GPC5: variants seen among roughly 807,000 people sequenced by gnomAD.
GPC5 encodes the protein glypican-5.
GPC5 carries 47 observed loss-of-function variants against 53.9 expected under a neutral mutation model. That is an observed-to-expected ratio of 0.87 (90% CI 0.69 to 1.11). The LOEUF is 1.11. Among genes scored for constraint, GPC5 ranks in the 50% most tolerant of loss-of-function variants. The pLI, the probability that GPC5 is intolerant of heterozygous loss-of-function variation, is 0.00. For synonymous variants in GPC5, 286 were observed against 263.3 expected, an observed-to-expected ratio of 1.09 and a Z score of -0.84; for missense variants, 748 against 713.1, an observed-to-expected ratio of 1.05 and a Z score of -0.56.
chr13:91,966,463 A>C (rs185529847), intron 6 of GPC5, among the ~76,000 whole-genome samples: 1 of 152,200 alleles, frequency 6.6e-6, no homozygotes, highest in African/African-American at 2.4e-5. Flanking sequence ...TTCGTAGTAA[A>C]ATATTTTATT....
At chr13:92,158,547 C>A (rs1486320557) in intron 7 of GPC5, among the ~76,000 whole-genome samples, 1 of 151,910 alleles carries the variant, frequency 6.6e-6, no homozygotes, top group Non-Finnish European at 1.5e-5. Flanking sequence ...TCACCATCCT[C>A]CAAGACAGAA....
chr13:92,001,283 A>G lies in GPC5; in HGVS notation c.1401+93226A>G, dbSNP rs137860474. On this transcript the variant is annotated intron_variant, in intron 6 of 7. Transcript: ENST00000377067. Reference sequence around the variant, plus strand: ...GAAAATTAACTACTTAAATGCATATACTATGATTGGCAAAGGGATTTTGTT... The same window carrying G: ...GAAAATTAACTACTTAAATGCATATGCTATGATTGGCAAAGGGATTTTGTT... Among the ~76,000 whole-genome samples the G allele has an allele frequency of 1.4e-3, 220 of 152,338 alleles. 1 individual carries two copies. The highest frequency in any genetic ancestry group is 2.6e-3 in the Non-Finnish European group (178 of 68,044).
At chr13:91,484,998 T>C (rs1266823059) in intron 2 of GPC5, among the ~76,000 whole-genome samples, 2 of 152,238 alleles carry the variant, frequency 1.3e-5, no homozygotes, top group African/African-American at 4.8e-5. Flanking sequence ...ATGTGTATGA[T>C]CTGAGAGCTT....
At position 91,429,074 on chromosome 13, in the gene GPC5, T is replaced by C. The variant is rs144989237; in HGVS notation, c.164-19687T>C. Among the ~76,000 whole-genome samples the C allele has an allele frequency of 1.5e-3, 231 of 152,096 alleles. 1 individual carries two copies. Among genetic ancestry groups the C allele is most frequent in the African/African-American group, 5.2e-3 (215 of 41,514 alleles). On this transcript the variant is annotated intron_variant, in intron 1 of 7. Transcript: ENST00000377067. ...AGCTGGGATTACAGGCATCCACCAC[T>C]GAACCTGGCTAATTTTTATATTTTT... is the stretch of plus-strand genomic sequence containing the variant.
At chr13:92,288,064 G>A (rs1469082369) in intron 7 of GPC5, among the ~76,000 whole-genome samples, 3 of 151,408 alleles carry the variant, frequency 2.0e-5, no homozygotes, top group African/African-American at 7.3e-5. Flanking sequence ...GCACTTTTCA[G>A]CTCTATTATA....
chr13:91,986,684 T>C (rs1306638082), intron 6 of GPC5, among the ~76,000 whole-genome samples: 2 of 152,234 alleles, frequency 1.3e-5, no homozygotes, highest in African/African-American at 4.8e-5. Flanking sequence ...GTATATCATC[T>C]TCCTCACTAG....
chr13:92,726,391 ATTGT>A (rs746875698), intron 7 of GPC5, among the ~76,000 whole-genome samples: 1 of 151,182 alleles, frequency 6.6e-6, no homozygotes, highest in Admixed American at 6.6e-5. Flanking sequence ...GTGTTTGTTT[ATTGT>A]TTGTTTGTTT....
chr13:92,383,758 A>T (rs9301801), intron 7 of GPC5, among the ~76,000 whole-genome samples: 86,180 of 151,976 alleles, frequency 0.57, 24,923 homozygotes, highest in African/African-American at 0.67. Flanking sequence ...TGTCCTAAGT[A>T]TAACTAATAA....
chr13:92,020,326 G>A (rs2040746476), intron 6 of GPC5, among the ~76,000 whole-genome samples: 1 of 152,068 alleles, frequency 6.6e-6, no homozygotes, highest in African/African-American at 2.4e-5. Context: ...CTGGGGATTA[G>A]GAAGGAGACA....
At chr13:91,449,680 A>T (rs1881054343) in intron 2 of GPC5, among the ~76,000 whole-genome samples, 1 of 152,208 alleles carries the variant, frequency 6.6e-6, no homozygotes, top group African/African-American at 2.4e-5. Context: ...TTTAAGGGTC[A>T]TTTAAGACCA....
intron 7 of GPC5, among the ~76,000 whole-genome samples, chr13:92,632,632 A>G (rs1418539423): frequency 1.3e-5 from 2 of 152,066 alleles, no homozygotes; most frequent in African/African-American, 4.8e-5. Flanking sequence ...TATTTATATC[A>G]GATAAAATAG....
rs1878103090 is a variant in GPC5 at position 92,452,514 on chromosome 13, A to C, written c.1561+307525A>C. Among the ~76,000 whole-genome samples, 3 of 152,162 alleles carry C rather than the reference A, an allele frequency of 2.0e-5. No homozygotes were observed. In the South Asian group the frequency reaches 6.2e-4, roughly 31 times the overall value. ...TGTGCCCAACTTTGCTCTTTGCACT[A>C]ATTCACATTTAATACTTAAGGTAAA... On this transcript the variant is annotated intron_variant, in intron 7 of 7. Transcript: ENST00000377067.
At chr13:92,306,133 A>G (rs936798078) in intron 7 of GPC5, among the ~76,000 whole-genome samples, 3 of 152,210 alleles carry the variant, frequency 2.0e-5, no homozygotes, top group Admixed American at 6.5e-5. Context: ...TATAGAGTAA[A>G]TGAACAGTAA....
At chr13:91,881,951 A>G (rs2039268680) in intron 5 of GPC5, among the ~76,000 whole-genome samples, 2 of 152,354 alleles carry the variant, frequency 1.3e-5, no homozygotes, top group Middle Eastern at 3.4e-3. Context: ...TGAGAGTAGA[A>G]TGGGAAGTCA....
intron 2 of GPC5, among the ~76,000 whole-genome samples, chr13:91,548,920 C>G (rs1470718406): frequency 6.6e-6 from 1 of 152,094 alleles, no homozygotes; most frequent in Non-Finnish European, 1.5e-5. Flanking sequence ...AGTCTAGAAA[C>G]AGATCTTACA....
At chr13:91,790,382 C>T (rs1480347605) in intron 5 of GPC5, among the ~76,000 whole-genome samples, 1 of 152,098 alleles carries the variant, frequency 6.6e-6, no homozygotes, top group Non-Finnish European at 1.5e-5. Context: ...CTTTTCTTGC[C>T]TATTCAACTT....
At chr13:91,753,145 C>T (rs2037215462) in intron 4 of GPC5, among the ~76,000 whole-genome samples, 5 of 152,150 alleles carry the variant, frequency 3.3e-5, no homozygotes, top group Admixed American at 3.3e-4. Flanking sequence ...AAATGTCTGC[C>T]TGCCTGAATA....
intron 7 of GPC5, among the ~76,000 whole-genome samples, chr13:92,639,558 C>T (rs1885519870): frequency 6.6e-6 from 1 of 152,146 alleles, no homozygotes; most frequent in Admixed American, 6.5e-5. Context: ...TTCATGGAGT[C>T]TTATTTATCA....
chr13:92,674,540 ATGAAGCAGGAGCTTCATGAAGCTCTTCT>A (rs71123431), intron 7 of GPC5, among the ~76,000 whole-genome samples: 96,188 of 148,074 alleles, frequency 0.65, 31,550 homozygotes, highest in South Asian at 0.73. Context: ...TTCTTGCTTC[ATGAAGCAGGAGCTTCATGAAGCTCTTCT>A]TGAAGCAGGA....
Sources: gnomAD v4.1 joint callset for allele counts (sites outside exome capture counted in the v4.1 genomes callset) on GRCh38, gnomAD v4.1.1 for gene constraint, MANE v1.5 for transcripts, NCBI Gene and HGNC (gene_info 2026-07-23, HGNC 2026-07-21) for gene names.